SEM1: variants seen among roughly 807,000 people sequenced by gnomAD.
SEM1 encodes SEM1 26S proteasome subunit.
A neutral mutation model predicts 12.7 loss-of-function variants in SEM1; 3 were observed. The ratio of observed to expected loss-of-function variants is 0.24; its 90% CI spans 0.11 to 0.61. The LOEUF (loss-of-function observed/expected upper bound fraction) is 0.61. Ranked by LOEUF, SEM1 falls within the 20% of genes least tolerant of loss-of-function variation. The pLI is 0.88. For synonymous variants in SEM1, 30 were observed against 27.8 expected, an observed-to-expected ratio of 1.08 and a Z score of -0.25; for missense variants, 59 against 81.3, an observed-to-expected ratio of 0.73 and a Z score of 1.06.
intron 3 of SEM1, among the ~76,000 whole-genome samples, chr7:96,503,867 G>A (rs1803657859): frequency 1.3e-5 from 2 of 152,062 alleles, no homozygotes; most frequent in Admixed American, 1.3e-4. Flanking sequence ...GAAGAGTAAG[G>A]GATGACTGAC....
At chr7:96,684,597 T>C (rs371170599), downstream of SEM1, among the ~76,000 whole-genome samples, 84 of 152,068 alleles carry the variant, frequency 5.5e-4, no homozygotes, top group African/African-American at 1.6e-3. Context: ...CACCAATGGA[T>C]TGGATATTGG....
At chr7:96,556,942 C>T in intron 2 of SEM1, among the ~76,000 whole-genome samples, 1 of 149,188 alleles carries the variant, frequency 6.7e-6, no homozygotes, top group Non-Finnish European at 1.5e-5. Flanking sequence ...TCATTCATTT[C>T]ATCTTCCATT....
chr7:96,703,932 C>T (rs987053794), intron 1 of SEM1, among the ~76,000 whole-genome samples: 2 of 150,434 alleles, frequency 1.3e-5, no homozygotes, highest in Non-Finnish European at 3.0e-5. Flanking sequence ...GTACTCCAGC[C>T]TGGGTGACAG....
intron 2 of SEM1, among the ~76,000 whole-genome samples, chr7:96,677,316 A>T (rs895506473): frequency 1.3e-5 from 2 of 152,178 alleles, no homozygotes; most frequent in African/African-American, 4.8e-5. Context: ...ACAAAGAGCT[A>T]AAAGGTTCAG....
At chr7:96,663,060 T>G (rs1056851977) in intron 2 of SEM1, among the ~76,000 whole-genome samples, 1 of 152,138 alleles carries the variant, frequency 6.6e-6, no homozygotes, top group African/African-American at 2.4e-5. Flanking sequence ...ATTTTGTTTT[T>G]TTTTAAGAAA....
rs937277047 is a variant in SEM1, at chr7:96,605,695, T to C, written c.170+89103A>G. ...TTTTTTTTTTCTCTTGAAATAGAGTTCCTACTGATACTTGGGGTTTCTTTG... is the reference window on the plus strand; with the variant it reads ...TTTTTTTTTTCTCTTGAAATAGAGTCCCTACTGATACTTGGGGTTTCTTTG... On this transcript the variant is annotated intron_variant and NMD_transcript_variant, in intron 2 of 3. Coordinates refer to the SEM1 transcript ENST00000466986. Among the ~76,000 whole-genome samples the C allele has an allele frequency of 2.6e-5, 4 of 152,342 alleles. No individual in the cohort carries two copies. The South Asian group carries it at 8.3e-4, about 32-fold the overall frequency.
chr7:96,537,198 T>C (rs1234218147), intron 2 of SEM1, among the ~76,000 whole-genome samples: 1 of 151,734 alleles, frequency 6.6e-6, no homozygotes, highest in East Asian at 1.9e-4. Flanking sequence ...CTATTCTCAA[T>C]TTCTCTCTAT....
At chr7:96,545,102 G>A (rs1203491339) in intron 2 of SEM1, among the ~76,000 whole-genome samples, 1 of 151,878 alleles carries the variant, frequency 6.6e-6, no homozygotes, top group African/African-American at 2.4e-5. Context: ...GAAACCTCTG[G>A]ATTTGAGGAG....
chr7:96,705,375 A>AC (rs1282867437), intron 1 of SEM1, among the ~76,000 whole-genome samples: 4 of 141,330 alleles, frequency 2.8e-5, no homozygotes, highest in African/African-American at 5.3e-5. Flanking sequence ...AAAAAAAAAA[A>AC]CCCTTTCAAT....
chr7:96,487,311 A>G (rs1278868662), intron 1 of SEM1, among the ~76,000 whole-genome samples: 4 of 150,278 alleles, frequency 2.7e-5, no homozygotes, highest in Non-Finnish European at 5.9e-5. Flanking sequence ...ATGCCATGCT[A>G]TACTATGAGT....
chr7:96,502,977 A>G (rs1198466451), intron 3 of SEM1, among the ~76,000 whole-genome samples: 4 of 152,304 alleles, frequency 2.6e-5, no homozygotes, highest in African/African-American at 9.6e-5. Flanking sequence ...AGGCCAATCT[A>G]AGACCCAGCA....
chr7:96,557,725 G>T (rs11762600), intron 2 of SEM1, among the ~76,000 whole-genome samples: 77 of 143,452 alleles, frequency 5.4e-4, no homozygotes, highest in African/African-American at 1.7e-3. Context: ...CCACCCAGTT[G>T]GAGCTTCCCG....
intron 2 of SEM1, among the ~76,000 whole-genome samples, chr7:96,608,887 G>A (rs145486459): frequency 1.5e-3 from 226 of 152,206 alleles, no homozygotes; most frequent in African/African-American, 5.2e-3. Context: ...GAACATTTGT[G>A]TACACATTTT....
At chr7:96,513,999 A>G (rs1804011242) in intron 2 of SEM1, among the ~76,000 whole-genome samples, 1 of 152,056 alleles carries the variant, frequency 6.6e-6, no homozygotes, top group Non-Finnish European at 1.5e-5. Flanking sequence ...CTTTCATTAT[A>G]ATGGCTACAC....
At chr7:96,531,804 T>G (rs183630737) in intron 2 of SEM1, among the ~76,000 whole-genome samples, 2 of 152,256 alleles carry the variant, frequency 1.3e-5, no homozygotes, top group Admixed American at 1.3e-4. Context: ...TCAGAATTTC[T>G]ATGTGCATTT....
chr7:96,551,977 G>T (rs1261449041), intron 2 of SEM1, among the ~76,000 whole-genome samples: 1 of 152,146 alleles, frequency 6.6e-6, no homozygotes, highest in Non-Finnish European at 1.5e-5. Flanking sequence ...GCAGTAATTT[G>T]TTATGGCAGT....
At position 96,572,436 on chromosome 7, in the gene SEM1, C is replaced by G. The variant is rs1464746231; in HGVS notation, c.171-65738G>C. ...TTGGCATCTAGCGCTATAAATTTCC[C>G]CCTAAACACTGCTTTAGCTGTGTCC... On this transcript the variant is annotated intron_variant and NMD_transcript_variant, in intron 2 of 3. Transcript: ENST00000466986. 5.9e-5 allele frequency among the ~76,000 whole-genome samples: 9 copies of G among 152,082 alleles called. No individual in the cohort carries two copies. The East Asian group carries it at 1.2e-3, about 20-fold the overall frequency.
At position 96,563,950 on chromosome 7, in the gene SEM1, G is replaced by C. The variant is rs867804650; in HGVS notation, c.171-57252C>G. Among the ~76,000 whole-genome samples, 4 of 152,054 alleles carry C rather than the reference G, an allele frequency of 2.6e-5. No homozygotes were observed. In the Middle Eastern group the frequency reaches 0.01, roughly 388 times the overall value. On this transcript the variant is annotated intron_variant and NMD_transcript_variant, in intron 2 of 3. Transcript: ENST00000466986. ...TCCAAATCTGATTTTACTTTGTTAT[G>C]CTCTTTCACAAGTTCTGGCATACAG...
intron 2 of SEM1, among the ~76,000 whole-genome samples, chr7:96,617,032 C>CT (rs575334377): frequency 6.6e-6 from 1 of 151,958 alleles, no homozygotes; most frequent in Non-Finnish European, 1.5e-5. Flanking sequence ...TATTCAGGCT[C>CT]TTTTTTTGGT....
Sources: allele counts gnomAD v4.1 joint callset (sites outside exome capture counted in the v4.1 genomes callset), GRCh38; gene constraint gnomAD v4.1.1; transcripts MANE v1.5; gene names NCBI Gene and HGNC (gene_info 2026-07-23, HGNC 2026-07-21).